Variants in CADPS observed in about 807,000 individuals in gnomAD.
The protein encoded by CADPS is calcium-dependent secretion activator 1.
In CADPS, 57 loss-of-function variants were observed where a neutral mutation model predicts 167.3. The ratio of observed to expected loss-of-function variants is 0.34; its 90% CI spans 0.28 to 0.42. The LOEUF is 0.42. Among genes scored for constraint, CADPS ranks in the 20% least tolerant of loss-of-function variants. The probability of loss-of-function intolerance (pLI) is 1.00; values close to 1 mark genes in which losing one functional copy is unlikely to be tolerated. For synonymous variants in CADPS, 676 were observed against 635.3 expected (o/e 1.06, Z -0.96); for missense variants, 1,414 against 1,738.1 (o/e 0.81, Z 3.32).
chr3:62,689,634 A>T (rs868107762), intron 3 of CADPS, among the ~76,000 whole-genome samples: 1 of 152,204 alleles, frequency 6.6e-6, no homozygotes, highest in Middle Eastern at 3.4e-3. Context: ...ACATGTTTGT[A>T]TAACCCTTTG....
intron 1 of CADPS, among the ~76,000 whole-genome samples, chr3:62,788,295 C>A (rs910006158): frequency 2.6e-5 from 4 of 152,124 alleles, no homozygotes; most frequent in Non-Finnish European, 1.5e-5. Flanking sequence ...TATAACCATA[C>A]GTATTGTTAC....
chr3:62,659,086 C>T (rs1336144770), intron 4 of CADPS, among the ~76,000 whole-genome samples: 2 of 152,110 alleles, frequency 1.3e-5, no homozygotes, highest in East Asian at 3.9e-4. Context: ...AAGTGCTCTA[C>T]CCATCTTTTA....
Position 62,589,570 on chromosome 3 carries a change from C to T in CADPS, c.1437+3067G>A, listed in dbSNP as rs563871050. Among the ~76,000 whole-genome samples the T allele has an allele frequency of 3.3e-5, 5 of 152,280 alleles. No homozygotes were observed. The South Asian group carries it at 1.0e-3, about 32-fold the overall frequency. On this transcript the variant is annotated intron_variant, in intron 7 of 29. Transcript: ENST00000383710. ...CAACATGATTCCTGAAGTAACTGAACCCTCTGGGCGTCAGCATGCTCTTCT... is the reference window on the plus strand; with the variant it reads ...CAACATGATTCCTGAAGTAACTGAATCCTCTGGGCGTCAGCATGCTCTTCT...
chr3:62,799,466 TAA>T (rs1467667706), intron 1 of CADPS, among the ~76,000 whole-genome samples: 1 of 152,188 alleles, frequency 6.6e-6, no homozygotes, highest in Non-Finnish European at 1.5e-5. Context: ...AGACTGATCC[TAA>T]ATTTATCTCT....
At chr3:62,708,953 A>G (rs189427835) in intron 3 of CADPS, among the ~76,000 whole-genome samples, 13 of 152,100 alleles carry the variant, frequency 8.5e-5, no homozygotes, top group Admixed American at 6.5e-4. Context: ...CAAGGGCTCC[A>G]CCCTGGGAGG....
intron 1 of CADPS, among the ~76,000 whole-genome samples, chr3:62,824,675 T>C (rs2073704206): frequency 6.6e-6 from 1 of 152,194 alleles, no homozygotes; most frequent in Admixed American, 6.6e-5. Flanking sequence ...AAGTGAAGCA[T>C]ATCACCACTT....
chr3:62,764,021 T>G (rs1466716965), intron 2 of CADPS, among the ~76,000 whole-genome samples: 2 of 152,222 alleles, frequency 1.3e-5, no homozygotes, highest in African/African-American at 4.8e-5. Context: ...AATTAATAGA[T>G]AGAAATGACA....
At chr3:62,790,949 A>G (rs558675212) in intron 1 of CADPS, among the ~76,000 whole-genome samples, 94 of 152,222 alleles carry the variant, frequency 6.2e-4, no homozygotes, top group African/African-American at 2.2e-3. Flanking sequence ...TGTTATTTTA[A>G]AAATGGTGAC....
At chr3:62,678,764 C>T (rs2076689950) in intron 3 of CADPS, among the ~76,000 whole-genome samples, 1 of 151,562 alleles carries the variant, frequency 6.6e-6, no homozygotes, top group Non-Finnish European at 1.5e-5. Context: ...ACTTCTGCAG[C>T]AGAGTGTTGA....
chr3:62,761,032 C>T lies in CADPS; in HGVS notation c.555+4839G>A, dbSNP rs182483649. ...ACTGCCACTTCTTGAGTTCACATTC[C>T]GAGTGGGTTGGCATGAGAATGGACT... is the stretch of plus-strand genomic sequence containing the variant. On this transcript the variant is annotated intron_variant, in intron 2 of 29. Transcript: ENST00000383710. 1.6e-4 allele frequency among the ~76,000 whole-genome samples: 25 copies of T among 152,198 alleles called. No individual in the cohort carries two copies. The East Asian group carries it at 2.7e-3, about 17-fold the overall frequency.
intron 6 of CADPS, among the ~76,000 whole-genome samples, chr3:62,603,793 G>A (rs186683433): frequency 5.3e-5 from 8 of 151,676 alleles, no homozygotes; most frequent in Non-Finnish European, 7.4e-5. Flanking sequence ...CATCTCTGCC[G>A]TATCTGAATC....
chr3:62,804,232 A>C (rs1248116800), intron 1 of CADPS, among the ~76,000 whole-genome samples: 2 of 152,140 alleles, frequency 1.3e-5, no homozygotes, highest in African/African-American at 4.8e-5. Flanking sequence ...CGGATGAATG[A>C]ATGGACAGAT....
chr3:62,651,370 T>A (rs1019949086), intron 4 of CADPS, among the ~76,000 whole-genome samples: 37 of 152,304 alleles, frequency 2.4e-4, no homozygotes, highest in African/African-American at 8.2e-4. Flanking sequence ...TTCAGCAAAT[T>A]TGATTTGTAG....
At chr3:62,761,304 C>A (rs1175678852) in intron 2 of CADPS, among the ~76,000 whole-genome samples, 1 of 151,806 alleles carries the variant, frequency 6.6e-6, no homozygotes. Context: ...CTAAAGAAGT[C>A]TGTCTGTTGC....
At chr3:62,541,486 A>G (rs2075686418) in intron 11 of CADPS, among the ~76,000 whole-genome samples, 2 of 152,134 alleles carry the variant, frequency 1.3e-5, no homozygotes, top group African/African-American at 4.8e-5. Context: ...AGCACTGTCA[A>G]TGGTTTCTAT....
At chr3:62,523,163 T>C (rs1361262649) in intron 13 of CADPS, among the ~76,000 whole-genome samples, 1 of 152,166 alleles carries the variant, frequency 6.6e-6, no homozygotes, top group East Asian at 1.9e-4. Context: ...ATGTCACAAA[T>C]AATAATACAT....
At chr3:62,842,547 T>C (rs1242634136) in intron 1 of CADPS, among the ~76,000 whole-genome samples, 1 of 152,244 alleles carries the variant, frequency 6.6e-6, no homozygotes, top group Non-Finnish European at 1.5e-5. Context: ...ACAATAACGA[T>C]AATCAAAGTG....
intron 3 of CADPS, among the ~76,000 whole-genome samples, chr3:62,686,102 G>A (rs2077987112): frequency 6.6e-6 from 1 of 152,010 alleles, no homozygotes; most frequent in Admixed American, 6.6e-5. Context: ...CCATAAATAT[G>A]TACGATTATT....
At chr3:62,437,748 G>A (rs146367640) in intron 28 of CADPS, among the ~76,000 whole-genome samples, 1 of 152,306 alleles carries the variant, frequency 6.6e-6, no homozygotes, top group East Asian at 1.9e-4. Flanking sequence ...TCCCTGATGA[G>A]AATATCTCCC....
Sources: gnomAD v4.1 joint callset for allele counts (sites outside exome capture counted in the v4.1 genomes callset) on GRCh38, gnomAD v4.1.1 for gene constraint, MANE v1.5 for transcripts, NCBI Gene and HGNC (gene_info 2026-07-23, HGNC 2026-07-21) for gene names.